ZNF625: variants seen among roughly 807,000 people sequenced by gnomAD.
The protein encoded by ZNF625 is zinc finger protein 625.
A neutral mutation model predicts 11.1 loss-of-function variants in ZNF625; 8 were observed. The ratio of observed to expected loss-of-function variants is 0.72; its 90% CI spans 0.42 to 1.30. The LOEUF (loss-of-function observed/expected upper bound fraction) is 1.30, where lower values mean the gene tolerates loss of function less well. Ranked by LOEUF, ZNF625 falls within the 50% of genes most tolerant of loss-of-function variation. ZNF625 has a pLI of 0.01. For missense variants in ZNF625, 349 were observed against 447.6 expected, an observed-to-expected ratio of 0.78 and a Z score of 1.99; for synonymous variants, 145 against 153.4, an observed-to-expected ratio of 0.95 and a Z score of 0.41.
intron 1 of ZNF625, among the ~76,000 whole-genome samples, chr19:12,152,860 A>C (rs1188405057): frequency 6.6e-6 from 1 of 151,944 alleles, no homozygotes; most frequent in Non-Finnish European, 1.5e-5. Context: ...AAAAACAACA[A>C]CAACTCAATA....
chr19:12,156,637 C>T lies in ZNF625; in HGVS notation c.-79G>A. The stretch of plus-strand genomic sequence containing the variant: ...AGTCACAGTGCGGGCGATGGAGCGA[C>T]AGAAGCTATGGCGGAGGCACCTGGT... On this transcript the variant is annotated 5_prime_UTR_variant, in exon 1 of 4. Coordinates refer to ENST00000439556, the MANE Select transcript of ZNF625 (RefSeq NM_145233.4). The T allele has an allele frequency of 8.1e-7, 1 of 1,233,922 alleles. No individual in the cohort carries two copies. Among genetic ancestry groups the T allele is most frequent in the Non-Finnish European group, 1.0e-6 (1 of 981,010 alleles). 76.4% of individuals were successfully genotyped at this position (1,233,922 alleles called of 1,614,324 possible). A position where few individuals can be genotyped will look rare whatever the true frequency, so the allele number is the denominator to read the frequency against.
chr19:12,146,485 G>A (rs1275290713), intron 3 of ZNF625, among the ~76,000 whole-genome samples: 2 of 152,194 alleles, frequency 1.3e-5, no homozygotes, highest in Non-Finnish European at 2.9e-5. Flanking sequence ...CCAGGCTGGA[G>A]TGCGGTGGTG....
At chr19:12,154,668 C>T (rs1977002704) in intron 1 of ZNF625, among the ~76,000 whole-genome samples, 1 of 152,156 alleles carries the variant, frequency 6.6e-6, no homozygotes. Flanking sequence ...ATCACTGTAA[C>T]CAATAAAGTA....
At chr19:12,156,488 AGAGCCGGTTC>A (rs1568392154) in intron 1 of ZNF625, 58 bp downstream of exon 1, 4 of 1,342,888 alleles carry the variant, frequency 3.0e-6, no homozygotes, top group East Asian at 2.9e-5. Flanking sequence ...GGGTCCTGCT[AGAGCCGGTTC>A]GAGCCGGTTC....
intron 1 of ZNF625, among the ~76,000 whole-genome samples, chr19:12,149,832 C>T (rs1976930884): frequency 3.3e-5 from 5 of 152,154 alleles, no homozygotes; most frequent in African/African-American, 1.2e-4. Context: ...CTCTGCCTCC[C>T]AGCTTCAAGC....
Position 12,145,311 on chromosome 19 carries a change from C to G in ZNF625, c.1105G>C (p.Glu369Gln), listed in dbSNP as rs532558913. ...TCTTATGTGAATTAAGCAATCTTCT[C>G]GCCTTGGCCTTTCGAAGTGTTGGAG... The part of the protein sequence containing the change: ...CSSNTSKGQG[E>Q]KIA Residue 369 changes from glutamate to glutamine, a missense_variant, in exon 4 of 4, where the codon GAG becomes CAG. Glu to Gln is a conservative substitution (Grantham distance 29). Transcript: ENST00000439556. 2.8e-5 allele frequency: 45 copies of G among 1,606,966 alleles called. No homozygotes were observed. Among genetic ancestry groups the G allele is most frequent in the Non-Finnish European group, 3.8e-5 (45 of 1,176,382 alleles).
At chr19:12,146,488 C>T (rs539170422) in intron 3 of ZNF625, among the ~76,000 whole-genome samples, 5 of 152,172 alleles carry the variant, frequency 3.3e-5, no homozygotes, top group South Asian at 2.1e-4. Flanking sequence ...GGCTGGAGTG[C>T]GGTGGTGAGA....
Position 12,144,966 on chromosome 19 carries a change from G to A in ZNF625, c.*331C>T, listed in dbSNP as rs183668710. On this transcript the variant is annotated 3_prime_UTR_variant, in exon 4 of 4. Transcript: ENST00000439556. Reference sequence around the variant, plus strand: ...ACTGACCTCGTGGTCCGCCTGCCTCGGCCTCCCAAAGTGCTGGGATTATAG... The same window carrying A: ...ACTGACCTCGTGGTCCGCCTGCCTCAGCCTCCCAAAGTGCTGGGATTATAG... The A allele has an allele frequency of 6.3e-4, 129 of 206,122 alleles. 1 individual carries two copies. The East Asian group carries it at 0.014, about 22-fold the overall frequency. The allele number at this position is 206,122 out of a possible 1,614,324, so 12.8% of individuals were successfully genotyped here. A position where few individuals can be genotyped will look rare whatever the true frequency, so the allele number is the denominator to read the frequency against.
Position 12,147,690 on chromosome 19 carries a change from T to C in ZNF625, c.116A>G (p.Asn39Ser). Residue 39 changes from asparagine to serine, a missense_variant, in exon 2 of 4, where the codon AAC (asparagine) becomes AGC (serine). By Grantham distance (46) the Asn-to-Ser change is conservative. Transcript: ENST00000439556. ...YRDVMQETFR[N>S]LASVGKKWKD... ...GTTACCCTTACCTACAGAAGCCAGG[T>C]TCCTGAAGGTTTCCTGCATCACATC... The C allele has an allele frequency of 6.2e-7, 1 of 1,613,850 alleles. No individual in the cohort carries two copies.
intron 1 of ZNF625, among the ~76,000 whole-genome samples, chr19:12,155,223 C>CA (rs56868873): frequency 0.11 from 12,635 of 112,770 alleles, 612 homozygotes; most frequent in South Asian, 0.17. Context: ...GGCTCCATCT[C>CA]AAAAAAAAAA....
At chr19:12,150,909 A>T (rs569348447) in intron 1 of ZNF625, among the ~76,000 whole-genome samples, 1 of 152,258 alleles carries the variant, frequency 6.6e-6, no homozygotes, top group East Asian at 1.9e-4. Flanking sequence ...ACAGTGTTCT[A>T]CGGTGGAGCT....
intron 3 of ZNF625, 92 bp from the exon 4 acceptor site, chr19:12,146,316 T>A: frequency 8.3e-7 from 1 of 1,209,438 alleles, no homozygotes; most frequent in Non-Finnish European, 1.2e-6. Context: ...TCTAACACTG[T>A]ACAGCAATGT....
At chr19:12,152,715 G>T (rs527800646) in intron 1 of ZNF625, among the ~76,000 whole-genome samples, 1 of 151,726 alleles carries the variant, frequency 6.6e-6, no homozygotes, top group South Asian at 2.1e-4. Context: ...GGTAGCATGC[G>T]CCTGTAATCC....
In ZNF625 at chr19:12,156,314, G is replaced by C. The variant is rs184863907; in HGVS notation, c.3+242C>G. Among the ~76,000 whole-genome samples the C allele has an allele frequency of 1.7e-4, 26 of 152,300 alleles. No homozygotes were observed. In the East Asian group the frequency reaches 5.0e-3, roughly 29 times the overall value. ...GCGGAGCTCCCCAGAGAGGGCTCCG[G>C]GGCCGGGGCCAGGGCCGGGGTCGCA... On this transcript the variant is annotated intron_variant, in intron 1 of 3. Transcript: ENST00000439556.
chr19:12,154,979 G>A (rs1290497187), intron 1 of ZNF625, among the ~76,000 whole-genome samples: 2 of 152,036 alleles, frequency 1.3e-5, no homozygotes, highest in Non-Finnish European at 2.9e-5. Flanking sequence ...ACTTTGGGAG[G>A]CGGAGGGAGG....
rs1976868002 is a variant in ZNF625, at chr19:12,146,095, C to G, written c.321G>C (p.Val107=). 6.2e-7 allele frequency: 1 copy of G among 1,613,982 alleles called. No homozygotes were observed. Among genetic ancestry groups the G allele is most frequent in the Non-Finnish European group, 8.5e-7 (1 of 1,180,010 alleles). The change falls in exon 4 of 4, where the codon GTG becomes GTC. Residue 107 remains valine (V), a synonymous_variant. Coordinates refer to ENST00000439556, the MANE Select transcript of ZNF625 (RefSeq NM_145233.4). The stretch of plus-strand genomic sequence containing the variant: ...GGTGCCTATTAAGGGATGCATGACC[C>G]ACGCTGACTTCTCCACATGATTTTA... ...PRVKSCGEVS[V]GHASLNRHHR...
At chr19:12,148,868 T>A (rs546699728) in intron 1 of ZNF625, among the ~76,000 whole-genome samples, 1 of 151,518 alleles carries the variant, frequency 6.6e-6, no homozygotes, top group African/African-American at 2.4e-5. Context: ...GTGATCCACC[T>A]GTCTCGGCCT....
At chr19:12,149,329 C>T (rs1450241243) in intron 1 of ZNF625, among the ~76,000 whole-genome samples, 3 of 150,310 alleles carry the variant, frequency 2.0e-5, no homozygotes, top group Non-Finnish European at 2.9e-5. Context: ...CTGCATCAAT[C>T]CACCTGTCCA....
intron 1 of ZNF625, among the ~76,000 whole-genome samples, chr19:12,152,068 C>T (rs1976964111): frequency 6.6e-6 from 1 of 152,014 alleles, no homozygotes; most frequent in Non-Finnish European, 1.5e-5. Context: ...ACTCACTATA[C>T]TATGGAGGAT....
Sources: gnomAD v4.1 joint callset for allele counts (sites outside exome capture counted in the v4.1 genomes callset) on GRCh38, gnomAD v4.1.1 for gene constraint, MANE v1.5 for transcripts, NCBI Gene and HGNC (gene_info 2026-07-23, HGNC 2026-07-21) for gene names.